ICA1: variants seen among roughly 807,000 people sequenced by gnomAD.
The protein encoded by ICA1 is islet cell autoantigen 1.
In ICA1, 40 loss-of-function variants were observed where a neutral mutation model predicts 71.0. That is an observed-to-expected ratio of 0.56 (90% CI 0.44 to 0.73). The LOEUF (loss-of-function observed/expected upper bound fraction) is 0.73. Ranked by LOEUF, ICA1 falls within the 30% of genes least tolerant of loss-of-function variation. The pLI is 0.00. For synonymous variants in ICA1, 207 were observed against 209.5 expected (o/e 0.99, Z 0.10); for missense variants, 578 against 576.5 (o/e 1.00, Z -0.03).
Position 8,139,004 on chromosome 7 carries a change from A to G in ICA1, c.999T>C (p.Ser333=). 6.2e-7 allele frequency: 1 copy of G among 1,613,560 alleles called. No homozygotes were observed. The highest frequency in any genetic ancestry group is 8.5e-7 in the Non-Finnish European group (1 of 1,179,458). Residue 333 remains serine (S), a synonymous_variant, in exon 11 of 14, where the codon TCT becomes TCC. Transcript: ENST00000402384. ...KSILSALDKG[S]THTACSGPID... ...GGTTACCTGAGCATGCAGTATGTGT[A>G]GAGCCTTTGTCTAAGGCAGATAAAA... is the stretch of plus-strand genomic sequence containing the variant.
intron 6 of ICA1, among the ~76,000 whole-genome samples, chr7:8,207,205 G>T (rs1200384521): frequency 6.6e-6 from 1 of 152,226 alleles, no homozygotes; most frequent in African/African-American, 2.4e-5. Context: ...TGCACAGATA[G>T]ATGGGTGGTT....
chr7:8,244,873 CT>C (rs1400630869), intron 1 of ICA1, among the ~76,000 whole-genome samples: 1 of 152,168 alleles, frequency 6.6e-6, no homozygotes, highest in Non-Finnish European at 1.5e-5. Context: ...CATCTCACAC[CT>C]GTTAGAATGG....
intron 13 of ICA1, among the ~76,000 whole-genome samples, chr7:8,120,717 G>C (rs1038025678): frequency 6.6e-6 from 1 of 152,164 alleles, no homozygotes; most frequent in African/African-American, 2.4e-5. Flanking sequence ...CCATTTGCAG[G>C]AAACAAATAA....
chr7:8,168,690 G>T (rs1319075002), intron 6 of ICA1, among the ~76,000 whole-genome samples: 1 of 152,118 alleles, frequency 6.6e-6, no homozygotes, highest in Non-Finnish European at 1.5e-5. Context: ...TTTAGCTCAG[G>T]CTTCTCAACG....
chr7:8,239,442 G>A (rs1386834229), intron 1 of ICA1, among the ~76,000 whole-genome samples: 5 of 152,178 alleles, frequency 3.3e-5, no homozygotes, highest in South Asian at 2.1e-4. Context: ...CAAGACGGCC[G>A]AATAGGAATA....
rs780536429 is a variant in ICA1, at chr7:8,227,923, A to G, written c.256+678T>C. On this transcript the variant is annotated intron_variant, in intron 4 of 13. Coordinates refer to ENST00000402384, the MANE Select transcript of ICA1 (RefSeq NM_001136020.3). ...TGTCTTAATAAAATATTACTGATGT[A>G]GAAAAATGACCAATTATTAATTTGT... The G allele has an allele frequency of 5.3e-5, 22 of 415,500 alleles. No homozygotes were observed. The Middle Eastern group carries it at 1.0e-3, about 20-fold the overall frequency. The allele number at this position is 415,500 out of a possible 1,614,324, so 25.7% of individuals were successfully genotyped here. A position where few individuals can be genotyped will look rare whatever the true frequency, so the allele number is the denominator to read the frequency against.
At chr7:8,153,564 C>T (rs73057571) in intron 8 of ICA1, among the ~76,000 whole-genome samples, 15,384 of 151,886 alleles carry the variant, frequency 0.1, 868 homozygotes, top group Non-Finnish European at 0.13. Context: ...ATGACATCCT[C>T]GAAAGATGAA....
chr7:8,227,816 C>A (rs767402981), intron 4 of ICA1: 7 of 442,832 alleles, frequency 1.6e-5, no homozygotes, highest in Non-Finnish European at 2.3e-5. Flanking sequence ...AAACTCCTGG[C>A]TCCAAGTGAT....
chr7:8,119,151 G>A (rs964047831), intron 13 of ICA1, among the ~76,000 whole-genome samples: 3 of 152,150 alleles, frequency 2.0e-5, no homozygotes, highest in Non-Finnish European at 4.4e-5. Context: ...CCAGGCAGCT[G>A]ACTCCAAATC....
intron 12 of ICA1, among the ~76,000 whole-genome samples, chr7:8,134,151 C>T (rs933408598): frequency 4.6e-5 from 7 of 152,108 alleles, no homozygotes; most frequent in African/African-American, 1.7e-4. Context: ...ATGCAGGCAC[C>T]GTGGCAGAAA....
chr7:8,222,341 C>A lies in ICA1; in HGVS notation c.257-943G>T, dbSNP rs2192342. Among the ~76,000 whole-genome samples the A allele has an allele frequency of 0.2, 31,036 of 152,080 alleles. 8,614 individuals carry two copies. Among genetic ancestry groups the A allele is most frequent in the African/African-American group, 0.63 (26,156 of 41,416 alleles). ...GCACCAGAGTGACACTTAGCTTCCT[C>A]GGATGTGCTTTCCCCCTAAACACAG... On this transcript the variant is annotated intron_variant, in intron 4 of 13. Coordinates refer to ENST00000402384, the MANE Select transcript of ICA1 (RefSeq NM_001136020.3). This position sits in a 1 kb window ranked among gnomAD's most constrained non-coding sequence, Gnocchi z 4.8.
chr7:8,179,768 ACAT>A (rs1294061637), intron 6 of ICA1, among the ~76,000 whole-genome samples: 7 of 151,160 alleles, frequency 4.6e-5, no homozygotes, highest in Non-Finnish European at 1.0e-4. Context: ...TTTTTTTCCC[ACAT>A]TTTTACAGAA....
At chr7:8,163,233 C>A (rs866797091) in intron 6 of ICA1, among the ~76,000 whole-genome samples, 1 of 152,206 alleles carries the variant, frequency 6.6e-6, no homozygotes, top group African/African-American at 2.4e-5. Context: ...CCAAATTGAA[C>A]AACGCATGGT....
chr7:8,221,474 C>G (rs906307073), intron 4 of ICA1, 76 bp from the exon 5 acceptor site: 37 of 1,527,540 alleles, frequency 2.4e-5, no homozygotes, highest in African/African-American at 8.2e-5. Flanking sequence ...AGACAAATCA[C>G]AAGGTCCTCT....
chr7:8,156,387 A>G (rs1562728254), intron 8 of ICA1, among the ~76,000 whole-genome samples: 1 of 152,220 alleles, frequency 6.6e-6, no homozygotes, highest in Non-Finnish European at 1.5e-5. Context: ...TTGCAAAGAC[A>G]TGACCTGGCA....
At position 8,226,302 on chromosome 7, in the gene ICA1, T is replaced by C. The variant is rs961387760; in HGVS notation, c.256+2299A>G. Among the ~76,000 whole-genome samples, 1 of 152,168 alleles carries C rather than the reference T, an allele frequency of 6.6e-6. No homozygotes were observed. The highest frequency in any genetic ancestry group is 2.4e-5 in the African/African-American group (1 of 41,444). On this transcript the variant is annotated intron_variant, in intron 4 of 13. Coordinates refer to ENST00000402384, the MANE Select transcript of ICA1 (RefSeq NM_001136020.3). The surrounding 1 kb of genome is among the most constrained non-coding windows in gnomAD (Gnocchi z 4.4). The stretch of plus-strand genomic sequence containing the variant: ...AGTCTCTTTCGTTTCTGGTTTATCC[T>C]TCCTAAATTTCCTTTGCACAATGAG...
chr7:8,185,074 A>C (rs1418141968), intron 6 of ICA1, among the ~76,000 whole-genome samples: 1 of 151,998 alleles, frequency 6.6e-6, no homozygotes, highest in Non-Finnish European at 1.5e-5. Flanking sequence ...ACTATGTCTC[A>C]AAAAAGAAAA....
At chr7:8,230,692 T>G (rs372615710) in intron 3 of ICA1, among the ~76,000 whole-genome samples, 35 of 152,352 alleles carry the variant, frequency 2.3e-4, no homozygotes, top group African/African-American at 8.4e-4. Context: ...CTATGAGATA[T>G]AAAAAGCATA....
chr7:8,215,139 T>C (rs1167308287), intron 6 of ICA1, among the ~76,000 whole-genome samples: 1 of 152,154 alleles, frequency 6.6e-6, no homozygotes, highest in Non-Finnish European at 1.5e-5. Flanking sequence ...CTGCCTTCCC[T>C]ACACCCTCCC....
Sources: allele counts gnomAD v4.1 joint callset (sites outside exome capture counted in the v4.1 genomes callset), GRCh38; gene constraint gnomAD v4.1.1; non-coding constraint Gnocchi (gnomAD v3.1); transcripts MANE v1.5; gene names NCBI Gene and HGNC (gene_info 2026-07-23, HGNC 2026-07-21).